Variants in PALM2AKAP2 observed in about 807,000 individuals in gnomAD.
PALM2AKAP2 encodes PALM2-AKAP2 fusion protein.
PALM2AKAP2 carries 37 observed loss-of-function variants against 71.5 expected under a neutral mutation model. The ratio of observed to expected loss-of-function variants is 0.52; its 90% CI spans 0.40 to 0.68. PALM2AKAP2 has a LOEUF of 0.68. PALM2AKAP2 is among the 30% of genes least tolerant of loss of function. PALM2AKAP2 has a pLI of 0.00. For synonymous variants in PALM2AKAP2, 468 were observed against 478.8 expected, an observed-to-expected ratio of 0.98 and a Z score of 0.29; for missense variants, 1,224 against 1,191.8, an observed-to-expected ratio of 1.03 and a Z score of -0.40.
chr9:109,772,273 G>T (rs1031067801), intron 1 of PALM2AKAP2, among the ~76,000 whole-genome samples: 1 of 152,158 alleles, frequency 6.6e-6, no homozygotes, highest in Non-Finnish European at 1.5e-5. Context: ...CCATGTGCTG[G>T]CTACCACCGT....
chr9:109,686,040 C>G (rs184766687), intron 1 of PALM2AKAP2, among the ~76,000 whole-genome samples: 225 of 152,322 alleles, frequency 1.5e-3, no homozygotes, highest in African/African-American at 5.2e-3. Context: ...AAGCAACTCT[C>G]TGTCCATTCA....
chr9:110,111,615 A>C (rs545763883), intron 1 of PALM2AKAP2, among the ~76,000 whole-genome samples: 8 of 152,332 alleles, frequency 5.3e-5, no homozygotes, highest in Admixed American at 1.3e-4. Context: ...AAGATGAGAA[A>C]AAGGAATTTT....
chr9:109,655,514 A>C (rs1243207498), intron 1 of PALM2AKAP2, among the ~76,000 whole-genome samples: 1 of 152,162 alleles, frequency 6.6e-6, no homozygotes, highest in African/African-American at 2.4e-5. Context: ...TAAGTACATT[A>C]ACCATGTTGT....
chr9:110,053,180 G>A (rs1233865207), intron 1 of PALM2AKAP2, among the ~76,000 whole-genome samples: 1 of 152,148 alleles, frequency 6.6e-6, no homozygotes, highest in Non-Finnish European at 1.5e-5. Flanking sequence ...CTCCCATCTA[G>A]GAGGACCAGG....
intron 1 of PALM2AKAP2, chr9:109,847,517 A>C (rs942000230): frequency 6.6e-6 from 1 of 152,230 alleles, no homozygotes; most frequent in African/African-American, 2.4e-5. Flanking sequence ...CAAGGTGGGC[A>C]GATCACAATG....
intron 1 of PALM2AKAP2, among the ~76,000 whole-genome samples, chr9:109,651,469 C>T (rs920202571): frequency 3.3e-5 from 5 of 152,200 alleles, no homozygotes; most frequent in African/African-American, 9.7e-5. Flanking sequence ...CTTTGTAAAG[C>T]AGTCTCTTTA....
Position 110,021,988 on chromosome 9 carries a change from A to C in PALM2AKAP2, c.582+5949A>C, listed in dbSNP as rs1159262331. Reference sequence around the variant, plus strand: ...GTCTGGGGGTGGCAATGTGAGCCCTACTATTGCTCTTGGCTCTCCAGTTGT... The same window carrying C: ...GTCTGGGGGTGGCAATGTGAGCCCTCCTATTGCTCTTGGCTCTCCAGTTGT... On this transcript the variant is annotated intron_variant, in intron 7 of 9. Coordinates refer to the PALM2AKAP2 transcript ENST00000302798. 3.9e-5 allele frequency among the ~76,000 whole-genome samples: 6 copies of C among 152,174 alleles called. 1 individual carries two copies. Among genetic ancestry groups the C allele is most frequent in the Admixed American group, 2.6e-4 (4 of 15,268 alleles).
intron 7 of PALM2AKAP2, among the ~76,000 whole-genome samples, chr9:110,039,607 C>T (rs260202): frequency 0.67 from 101,486 of 152,010 alleles, 34,448 homozygotes; most frequent in African/African-American, 0.8. Context: ...TGTAACTTTC[C>T]TCCTAGTTCT....
At chr9:109,876,977 G>T (rs1417345192) in intron 2 of PALM2AKAP2, among the ~76,000 whole-genome samples, 2 of 152,150 alleles carry the variant, frequency 1.3e-5, no homozygotes, top group Non-Finnish European at 2.9e-5. Context: ...TGAGGGGCTA[G>T]ACCCTTCATG....
rs928815235 is a variant in PALM2AKAP2 at position 110,099,007 on chromosome 9, T to A, written c.157-37120T>A. ...GTTAAGTGATTACTTTCAATTCCCC[T>A]GTTTTTGGCATTTAAAAATGTTCAC... On this transcript the variant is annotated intron_variant, in intron 1 of 3. Coordinates refer to ENST00000374525, the Ensembl canonical transcript of PALM2AKAP2. 2.0e-5 allele frequency among the ~76,000 whole-genome samples: 3 copies of A among 152,246 alleles called. No homozygotes were observed. The East Asian group carries it at 5.8e-4, about 29-fold the overall frequency.
chr9:109,903,991 A>G (rs2131861164), intron 3 of PALM2AKAP2, among the ~76,000 whole-genome samples: 1 of 152,346 alleles, frequency 6.6e-6, no homozygotes, highest in South Asian at 2.1e-4. Context: ...AGCACATATT[A>G]AGATGAATTT....
At chr9:109,942,747 C>G (rs746659256) in intron 6 of PALM2AKAP2, 6 of 1,613,136 alleles carry the variant, frequency 3.7e-6, no homozygotes, top group Non-Finnish European at 5.1e-6. Flanking sequence ...CCAAGATTCT[C>G]TCTACATCTA....
At chr9:109,891,518 T>G (rs567384126) in intron 3 of PALM2AKAP2, among the ~76,000 whole-genome samples, 1 of 152,174 alleles carries the variant, frequency 6.6e-6, no homozygotes, top group South Asian at 2.1e-4. Flanking sequence ...AGAGTCTCAC[T>G]CACTCTGTAG....
At chr9:110,043,705 T>G (rs1377489953), upstream of PALM2AKAP2, among the ~76,000 whole-genome samples, 1 of 147,004 alleles carries the variant, frequency 6.8e-6, no homozygotes, top group Non-Finnish European at 1.5e-5. Flanking sequence ...GTAAACTACG[T>G]TTTTTTTGGT....
intron 1 of PALM2AKAP2, among the ~76,000 whole-genome samples, chr9:109,743,674 T>G (rs1310552479): frequency 6.6e-6 from 1 of 152,252 alleles, no homozygotes; most frequent in Non-Finnish European, 1.5e-5. Flanking sequence ...CAAAATATCT[T>G]TTGAAATGTA....
chr9:110,049,220 TGTGGTCGTGGCCGC>T (rs2132494974), intron 1 of PALM2AKAP2, among the ~76,000 whole-genome samples: 1 of 152,138 alleles, frequency 6.6e-6, no homozygotes, highest in East Asian at 1.9e-4. Context: ...TGAAATCAAA[TGTGGTCGTGGCCGC>T]ATCTCCTGCC....
intron 1 of PALM2AKAP2, among the ~76,000 whole-genome samples, chr9:110,086,086 A>G (rs1834566147): frequency 6.6e-6 from 1 of 150,414 alleles, no homozygotes; most frequent in Admixed American, 6.6e-5. Flanking sequence ...CACCTGGGCA[A>G]TAAGAGTGAG....
intron 3 of PALM2AKAP2, among the ~76,000 whole-genome samples, chr9:110,164,960 G>A (rs1039921436): frequency 4.6e-5 from 7 of 152,094 alleles, no homozygotes; most frequent in Admixed American, 3.3e-4. Flanking sequence ...ATAGTCTGGT[G>A]GCCTCAAGCA....
chr9:109,780,429 G>A (rs1363391591), upstream of PALM2AKAP2: 3 of 1,612,116 alleles, frequency 1.9e-6, no homozygotes, highest in Admixed American at 3.3e-5. Context: ...AGTTTCCTTG[G>A]GTGACTACAG....
Sources: allele counts gnomAD v4.1 joint callset (sites outside exome capture counted in the v4.1 genomes callset), GRCh38; gene constraint gnomAD v4.1.1; transcripts MANE v1.5; gene names NCBI Gene and HGNC (gene_info 2026-07-23, HGNC 2026-07-21).